Variants in CAMKMT observed in about 807,000 individuals in gnomAD.
CAMKMT encodes CaM KMT.
In CAMKMT, 53 loss-of-function variants were observed where a neutral mutation model predicts 48.0. The observed-to-expected ratio is 1.10, with a 90% CI of 0.89 to 1.39. The LOEUF (loss-of-function observed/expected upper bound fraction) is 1.39. CAMKMT is among the 40% of genes most tolerant of loss of function. CAMKMT has a pLI of 0.00. For missense variants in CAMKMT, 428 were observed against 402.7 expected (o/e 1.06, Z -0.54); for synonymous variants, 165 against 152.3 (o/e 1.08, Z -0.61).
At chr2:44,718,324 C>G (rs1288176454) in intron 7 of CAMKMT, among the ~76,000 whole-genome samples, 1 of 152,134 alleles carries the variant, frequency 6.6e-6, no homozygotes, top group Non-Finnish European at 1.5e-5. Context: ...AAGCCTTAGC[C>G]CTAGCTGAAT....
intron 3 of CAMKMT, among the ~76,000 whole-genome samples, chr2:44,394,388 G>T (rs1681626963): frequency 6.6e-6 from 1 of 151,272 alleles, no homozygotes; most frequent in Non-Finnish European, 1.5e-5. Context: ...ACATGTGACA[G>T]TGGTGATTTT....
chr2:44,397,601 G>C (rs547956127), intron 3 of CAMKMT, among the ~76,000 whole-genome samples: 1 of 151,786 alleles, frequency 6.6e-6, no homozygotes, highest in Non-Finnish European at 1.5e-5. Context: ...TCAGGTAAGC[G>C]TGCCCCTAAT....
chr2:44,666,441 A>G (rs1229676172), intron 3 of CAMKMT, among the ~76,000 whole-genome samples: 3 of 152,202 alleles, frequency 2.0e-5, no homozygotes, highest in African/African-American at 7.2e-5. Flanking sequence ...CCAGAATGCG[A>G]TAAGCAGCCT....
At chr2:44,546,200 C>CACAT (rs1553412668) in intron 3 of CAMKMT, among the ~76,000 whole-genome samples, 3 of 143,540 alleles carry the variant, frequency 2.1e-5, no homozygotes, top group Non-Finnish European at 4.6e-5. Flanking sequence ...CACACACACA[C>CACAT]ACATACATGC....
At chr2:44,557,488 AT>A (rs1436381118) in intron 3 of CAMKMT, among the ~76,000 whole-genome samples, 2 of 152,274 alleles carry the variant, frequency 1.3e-5, no homozygotes, top group Non-Finnish European at 2.9e-5. Context: ...TATTAGTGGA[AT>A]GGTCTGGTGA....
chr2:44,747,694 T>C (rs991161167), intron 8 of CAMKMT, among the ~76,000 whole-genome samples: 1 of 152,218 alleles, frequency 6.6e-6, no homozygotes, highest in African/African-American at 2.4e-5. Context: ...GTCTCCTTGT[T>C]CTCTGCACTA....
rs1468939305 is a variant in CAMKMT, at chr2:44,420,912, A to G, written c.376+30607A>G. ...CATTATCTTTGTTAATCACTTTCAG[A>G]GCTTTTCGCTATTGTTCATCACAGT... On this transcript the variant is annotated intron_variant, in intron 3 of 10. Transcript: ENST00000378494. Among the ~76,000 whole-genome samples the G allele has an allele frequency of 2.6e-5, 4 of 151,894 alleles. No homozygotes were observed. In the East Asian group the frequency reaches 7.7e-4, roughly 29 times the overall value.
chr2:44,364,011 C>CTT (rs10710503), intron 1 of CAMKMT, among the ~76,000 whole-genome samples: 5,368 of 85,662 alleles, frequency 0.063, 191 homozygotes, highest in South Asian at 0.15. Flanking sequence ...CCCACCCTTC[C>CTT]TTTTTTTTTT....
intron 3 of CAMKMT, among the ~76,000 whole-genome samples, chr2:44,607,778 C>A (rs1360672449): frequency 6.6e-6 from 1 of 151,878 alleles, no homozygotes. Flanking sequence ...GATTTTTTGT[C>A]CTCTACTTTT....
At chr2:44,707,570 C>T in intron 6 of CAMKMT, 108 bp downstream of exon 6, 2 of 822,658 alleles carry the variant, frequency 2.4e-6, no homozygotes, top group South Asian at 1.7e-5. Flanking sequence ...AGAGAGTTTC[C>T]CCCCTACATA....
intron 7 of CAMKMT, among the ~76,000 whole-genome samples, chr2:44,726,446 C>T (rs1678791174): frequency 6.6e-6 from 1 of 152,122 alleles, no homozygotes; most frequent in African/African-American, 2.4e-5. Flanking sequence ...AGTGTCCGTT[C>T]ACGTCCTTTG....
chr2:44,626,167 C>T (rs1372793929), intron 3 of CAMKMT, among the ~76,000 whole-genome samples: 1 of 152,116 alleles, frequency 6.6e-6, no homozygotes, highest in East Asian at 1.9e-4. Flanking sequence ...TGATATCTCA[C>T]TCCATTTATT....
In CAMKMT at chr2:44,563,474, T is replaced by A. The variant is rs371594514; in HGVS notation, c.377-140809T>A. On this transcript the variant is annotated intron_variant, in intron 3 of 10. Transcript: ENST00000378494. Reference sequence around the variant, plus strand: ...GAGTATAGTCATTAGTTTCTTTTTTTTTATTATTATCCCCCATACTTTAAG... The same window carrying A: ...GAGTATAGTCATTAGTTTCTTTTTTATTATTATTATCCCCCATACTTTAAG... Among the ~76,000 whole-genome samples, 10 of 151,842 alleles carry A rather than the reference T, an allele frequency of 6.6e-5. No individual in the cohort carries two copies. The South Asian group carries it at 1.7e-3, about 26-fold the overall frequency.
rs1293936375 is a variant in CAMKMT, at chr2:44,618,405, C to G, written c.377-85878C>G. On this transcript the variant is annotated intron_variant, in intron 3 of 10. Coordinates refer to ENST00000378494, the MANE Select transcript of CAMKMT (RefSeq NM_024766.5). The surrounding 1 kb of genome is among the most constrained non-coding windows in gnomAD (Gnocchi z 4.0). ...ACAGCCTTCCTACCAATTCCCAAGC[C>G]TGTCAGCAGAACCAATTAGATTTTC... 6.6e-6 allele frequency among the ~76,000 whole-genome samples: 1 copy of G among 152,220 alleles called. No individual in the cohort carries two copies. The highest frequency in any genetic ancestry group is 1.5e-5 in the Non-Finnish European group (1 of 68,038).
chr2:44,512,872 T>C (rs2104774082), intron 3 of CAMKMT, among the ~76,000 whole-genome samples: 1 of 152,262 alleles, frequency 6.6e-6, no homozygotes, highest in South Asian at 2.1e-4. Context: ...TCAGTATTCC[T>C]AGGATCTCCT....
chr2:44,460,804 C>T (rs1667809678), intron 3 of CAMKMT, among the ~76,000 whole-genome samples: 1 of 148,572 alleles, frequency 6.7e-6, no homozygotes, highest in African/African-American at 2.5e-5. Flanking sequence ...CTTACTGCAA[C>T]CTCCACTTCC....
chr2:44,419,653 G>A (rs184725621), intron 3 of CAMKMT, among the ~76,000 whole-genome samples: 10 of 152,288 alleles, frequency 6.6e-5, no homozygotes, highest in East Asian at 3.9e-4. Context: ...AGTCATCACC[G>A]TAACCCTGAA....
At chr2:44,754,985 A>T (rs1271035524) in intron 9 of CAMKMT, among the ~76,000 whole-genome samples, 1 of 152,198 alleles carries the variant, frequency 6.6e-6, no homozygotes, top group South Asian at 2.1e-4. Flanking sequence ...GTGTGTTTCT[A>T]AAGTATTTTT....
intron 1 of CAMKMT, chr2:44,370,104 G>C (rs1222393879): frequency 1.3e-5 from 2 of 152,166 alleles, no homozygotes; most frequent in African/African-American, 4.8e-5. Context: ...AGGCAGCCTG[G>C]ATTTTAACCT....
Sources: gnomAD v4.1 joint callset for allele counts (sites outside exome capture counted in the v4.1 genomes callset) on GRCh38, gnomAD v4.1.1 for gene constraint, Gnocchi (gnomAD v3.1) non-coding constraint, MANE v1.5 for transcripts, NCBI Gene and HGNC (gene_info 2026-07-23, HGNC 2026-07-21) for gene names.